Variants in SLX4IP observed in about 807,000 individuals in gnomAD.
SLX4IP encodes protein SLX4IP.
In SLX4IP, 34 loss-of-function variants were observed where a neutral mutation model predicts 32.9. The observed-to-expected ratio is 1.03, with a 90% CI of 0.79 to 1.38. The LOEUF (loss-of-function observed/expected upper bound fraction) is 1.38. Among genes scored for constraint, SLX4IP ranks in the 40% most tolerant of loss-of-function variants. The pLI, the probability that SLX4IP is intolerant of heterozygous loss-of-function variation, is 0.00. For missense variants in SLX4IP, 444 were observed against 479.0 expected, an observed-to-expected ratio of 0.93 and a Z score of 0.68; for synonymous variants, 172 against 171.7, an observed-to-expected ratio of 1.00 and a Z score of -0.01.
At chr20:10,525,984 G>A (rs776889151) in intron 2 of SLX4IP, among the ~76,000 whole-genome samples, 1 of 152,136 alleles carries the variant, frequency 6.6e-6, no homozygotes, top group Non-Finnish European at 1.5e-5. Flanking sequence ...TCTTGGAGCT[G>A]AGCAGCAGAA....
chr20:10,598,526 ATTG>A, intron 4 of SLX4IP, 146 bp from the exon 5 acceptor site: 1 of 749,748 alleles, frequency 1.3e-6, no homozygotes, highest in South Asian at 1.7e-5. Context: ...GGCCTCCCGA[ATTG>A]TTGGGATTAC....
At chr20:10,511,313 TAGTC>T (rs2065806352) in intron 2 of SLX4IP, among the ~76,000 whole-genome samples, 1 of 152,172 alleles carries the variant, frequency 6.6e-6, no homozygotes, top group Non-Finnish European at 1.5e-5. Context: ...CTGGCAGTCT[TAGTC>T]AGATCCTCAC....
intron 2 of SLX4IP, among the ~76,000 whole-genome samples, chr20:10,546,856 T>A (rs1365362364): frequency 6.6e-6 from 1 of 152,162 alleles, no homozygotes; most frequent in African/African-American, 2.4e-5. Flanking sequence ...AATAATCATG[T>A]CCTGAAAACC....
chr20:10,565,523 C>G (rs762677931), intron 4 of SLX4IP, among the ~76,000 whole-genome samples: 2 of 152,104 alleles, frequency 1.3e-5, no homozygotes, highest in Non-Finnish European at 2.9e-5. Flanking sequence ...CTGTTTTTTC[C>G]CTTTTGAGTC....
rs568430804 is a variant in SLX4IP at position 10,496,626 on chromosome 20, T to C, written c.27+38395T>C. Reference sequence around the variant, plus strand: ...TGGCAGCTGCACTTCCTCACATCCATGTACTACTAGGCAGGAGGGAATTGG... The same window carrying C: ...TGGCAGCTGCACTTCCTCACATCCACGTACTACTAGGCAGGAGGGAATTGG... On this transcript the variant is annotated intron_variant, in intron 2 of 7. Coordinates refer to ENST00000334534, the MANE Select transcript of SLX4IP (RefSeq NM_001009608.3). Among the ~76,000 whole-genome samples, 310 of 151,640 alleles carry C rather than the reference T, an allele frequency of 2.0e-3. 1 individual carries two copies. The highest frequency in any genetic ancestry group is 6.8e-3 in the African/African-American group (281 of 41,338).
chr20:10,615,867 G>A (rs80006183), intron 6 of SLX4IP, among the ~76,000 whole-genome samples: 10,729 of 152,110 alleles, frequency 0.071, 619 homozygotes, highest in South Asian at 0.24. Flanking sequence ...AGGACAATAG[G>A]TCCAACTCCT....
intron 6 of SLX4IP, among the ~76,000 whole-genome samples, chr20:10,615,519 G>T (rs2067015632): frequency 6.6e-6 from 1 of 151,984 alleles, no homozygotes; most frequent in South Asian, 2.1e-4. Flanking sequence ...TGACTCTGAG[G>T]ACTTTGTGTC....
chr20:10,562,696 C>T (rs2066346139), intron 4 of SLX4IP, among the ~76,000 whole-genome samples: 1 of 152,096 alleles, frequency 6.6e-6, no homozygotes, highest in Non-Finnish European at 1.5e-5. Flanking sequence ...CTTCCTTGCC[C>T]CTCTCCCATA....
intron 2 of SLX4IP, among the ~76,000 whole-genome samples, chr20:10,529,990 T>C (rs1351368506): frequency 6.6e-6 from 1 of 152,200 alleles, no homozygotes; most frequent in Non-Finnish European, 1.5e-5. Context: ...AAGATTCTAG[T>C]TCTCTCTGTT....
chr20:10,618,244 G>A (rs1449104664), intron 6 of SLX4IP, among the ~76,000 whole-genome samples: 2 of 152,116 alleles, frequency 1.3e-5, no homozygotes, highest in African/African-American at 4.8e-5. Flanking sequence ...CTGATCCCTT[G>A]CCTTGTGGCC....
At chr20:10,541,951 C>G (rs1490887858) in intron 2 of SLX4IP, among the ~76,000 whole-genome samples, 1 of 152,154 alleles carries the variant, frequency 6.6e-6, no homozygotes, top group African/African-American at 2.4e-5. Context: ...CCATGCTTTG[C>G]ATGTTAAAGT....
chr20:10,574,978 AC>A (rs1411351293), intron 4 of SLX4IP, among the ~76,000 whole-genome samples: 3 of 151,674 alleles, frequency 2.0e-5, no homozygotes, highest in Non-Finnish European at 2.9e-5. Flanking sequence ...TGACCGCAAG[AC>A]TTTTTTTTAA....
chr20:10,561,874 G>A (rs1244679109), intron 4 of SLX4IP, among the ~76,000 whole-genome samples: 1 of 152,148 alleles, frequency 6.6e-6, no homozygotes, highest in Non-Finnish European at 1.5e-5. Context: ...GTGTATGTGT[G>A]CCGGACTTAC....
At chr20:10,555,093 A>T (rs1210382753) in intron 2 of SLX4IP, among the ~76,000 whole-genome samples, 1 of 152,168 alleles carries the variant, frequency 6.6e-6, no homozygotes, top group South Asian at 2.1e-4. Flanking sequence ...AATTTTGTAT[A>T]TAGCGTGAGG....
chr20:10,605,616 A>G (rs2066897201), intron 6 of SLX4IP, among the ~76,000 whole-genome samples: 1 of 152,196 alleles, frequency 6.6e-6, no homozygotes. Context: ...TTAAAAAATG[A>G]TTTGTAGTGC....
chr20:10,487,065 G>A (rs567251569), intron 2 of SLX4IP, among the ~76,000 whole-genome samples: 3 of 152,230 alleles, frequency 2.0e-5, no homozygotes, highest in South Asian at 4.1e-4. Flanking sequence ...CCGCCTGCAC[G>A]CTTTTCTAAC....
At chr20:10,554,742 T>C (rs981680589) in intron 2 of SLX4IP, among the ~76,000 whole-genome samples, 1 of 152,198 alleles carries the variant, frequency 6.6e-6, no homozygotes, top group Admixed American at 6.5e-5. Context: ...ATTTATCCTA[T>C]TTGTGAAGTG....
intron 2 of SLX4IP, among the ~76,000 whole-genome samples, chr20:10,507,031 T>C (rs2065765713): frequency 6.6e-6 from 1 of 152,148 alleles, no homozygotes; most frequent in Non-Finnish European, 1.5e-5. Context: ...GGTGGGGCGG[T>C]GAGAACACTT....
Position 10,623,281 on chromosome 20 carries a change from C to A in SLX4IP, c.1129C>A (p.Gln377Lys), listed in dbSNP as rs756863735. 1.2e-6 allele frequency: 2 copies of A among 1,613,980 alleles called. No homozygotes were observed. The highest frequency in any genetic ancestry group is 3.3e-5 in the Admixed American group (2 of 59,994). The change falls in exon 8 of 8, where the codon CAG (glutamine) becomes AAG (lysine). Residue 377 changes from glutamine (Q) to lysine (K), a missense_variant. By Grantham distance (53) the Gln-to-Lys change is moderately conservative. Coordinates refer to ENST00000334534, the MANE Select transcript of SLX4IP (RefSeq NM_001009608.3). ...SRHLMKNNPG[Q>K]AQQTGLATNT... ...ACATCTTATGAAAAATAACCCAGGG[C>A]AGGCACAGCAAACCGGCTTAGCCAC... is the stretch of plus-strand genomic sequence containing the variant.
Sources: allele counts gnomAD v4.1 joint callset (sites outside exome capture counted in the v4.1 genomes callset), GRCh38; gene constraint gnomAD v4.1.1; transcripts MANE v1.5; gene names NCBI Gene and HGNC (gene_info 2026-07-23, HGNC 2026-07-21).